The following KCNMA1 variants were observed in gnomAD, a reference collection of about 807,000 sequenced individuals.
KCNMA1 encodes Calcium-activated potassium channel subunit alpha-1.
In KCNMA1, 29 loss-of-function variants were observed where a neutral mutation model predicts 140.0. The ratio of observed to expected loss-of-function variants is 0.21; its 90% CI spans 0.15 to 0.28. KCNMA1 has a LOEUF of 0.28. Ranked by LOEUF, KCNMA1 falls within the 10% of genes least tolerant of loss-of-function variation. The probability of loss-of-function intolerance (pLI) is 1.00; values close to 1 mark genes in which losing one functional copy is unlikely to be tolerated. For missense variants in KCNMA1, 880 were observed against 1,602.2 expected (o/e 0.55, Z 7.70); for synonymous variants, 612 against 611.9 (o/e 1.00, Z 0.00).
intron 23 of KCNMA1, among the ~76,000 whole-genome samples, chr10:76,926,998 C>T (rs775657247): frequency 6.6e-5 from 10 of 152,096 alleles, no homozygotes; most frequent in Non-Finnish European, 1.5e-4. Context: ...TGCTGCTATG[C>T]GATCACAGTC....
chr10:77,093,647 C>G (rs2096865146), intron 9 of KCNMA1, among the ~76,000 whole-genome samples: 1 of 152,138 alleles, frequency 6.6e-6, no homozygotes, highest in Non-Finnish European at 1.5e-5. Flanking sequence ...ATTTTCAAGA[C>G]TTTTGAAGAT....
At chr10:77,189,273 C>T (rs1435689007) in intron 3 of KCNMA1, among the ~76,000 whole-genome samples, 1 of 152,120 alleles carries the variant, frequency 6.6e-6, no homozygotes, top group African/African-American at 2.4e-5. Flanking sequence ...CCATTCAGAC[C>T]TGAACAGAGA....
chr10:77,288,387 C>T (rs2071810260), intron 2 of KCNMA1, among the ~76,000 whole-genome samples: 1 of 152,314 alleles, frequency 6.6e-6, no homozygotes, highest in South Asian at 2.1e-4. Context: ...GCTTTATTCC[C>T]TGTGAGACTT....
intron 2 of KCNMA1, among the ~76,000 whole-genome samples, chr10:77,393,616 C>A (rs1469598423): frequency 6.6e-6 from 1 of 152,214 alleles, no homozygotes; most frequent in Non-Finnish European, 1.5e-5. Context: ...GGGCTTCCAA[C>A]TGCCCAGCCG....
At chr10:76,872,107 T>C (rs748187820) in exon 28 of KCNMA1, 1 of 152,212 alleles carries the variant, frequency 6.6e-6, no homozygotes, top group Non-Finnish European at 1.5e-5. Context: ...CTGCCTCATG[T>C]TCTTATTATA....
intron 3 of KCNMA1, among the ~76,000 whole-genome samples, chr10:77,233,131 A>C (rs887898023): frequency 6.6e-6 from 1 of 152,210 alleles, no homozygotes; most frequent in Non-Finnish European, 1.5e-5. Context: ...TGGAAAAACT[A>C]TTCTTTCCTC....
chr10:77,333,843 C>T (rs1013911022), intron 2 of KCNMA1, among the ~76,000 whole-genome samples: 5 of 152,178 alleles, frequency 3.3e-5, no homozygotes, highest in Admixed American at 2.0e-4. Context: ...GTAATTGGCA[C>T]GTTTTCCTGC....
chr10:77,029,990 T>C (rs2093799246), intron 15 of KCNMA1, among the ~76,000 whole-genome samples: 1 of 152,204 alleles, frequency 6.6e-6, no homozygotes, highest in South Asian at 2.1e-4. Flanking sequence ...AGTGACATAA[T>C]CAGATGTGCT....
At chr10:77,574,879 A>T (rs2073437129) in intron 1 of KCNMA1, among the ~76,000 whole-genome samples, 1 of 152,360 alleles carries the variant, frequency 6.6e-6, no homozygotes, top group African/African-American at 2.4e-5. Context: ...TTTTGAATCC[A>T]GTATTCATTT....
intron 3 of KCNMA1, among the ~76,000 whole-genome samples, chr10:77,228,558 TTTTCTTCCTCCTCCGC>T (rs1257357426): frequency 1.3e-5 from 2 of 152,116 alleles, no homozygotes; most frequent in African/African-American, 4.8e-5. Flanking sequence ...TCTACAACAG[TTTTCTTCCTCCTCCGC>T]TTCCCCAACA....
chr10:77,082,286 C>T (rs1230252711), intron 12 of KCNMA1, among the ~76,000 whole-genome samples: 1 of 152,022 alleles, frequency 6.6e-6, no homozygotes, highest in African/African-American at 2.4e-5. Context: ...CTTGGCCTCC[C>T]AAAGTTCTGG....
chr10:77,362,114 G>A (rs912877526), intron 2 of KCNMA1, among the ~76,000 whole-genome samples: 4 of 152,134 alleles, frequency 2.6e-5, no homozygotes, highest in African/African-American at 7.2e-5. Flanking sequence ...CTTCCAGATC[G>A]GTTGTCTCAC....
At chr10:77,019,371 A>G in intron 16 of KCNMA1, 1 of 453,546 alleles carries the variant, frequency 2.2e-6, no homozygotes, top group South Asian at 2.4e-5. Context: ...GGTTTATATA[A>G]TGGAGCAGTC....
chr10:76,889,705 G>A (rs558710842), intron 26 of KCNMA1, 136 bp from the exon 27 acceptor site: 32 of 759,450 alleles, frequency 4.2e-5, no homozygotes, highest in Middle Eastern at 4.5e-4. Flanking sequence ...GCCAAGGGAC[G>A]GCAGTGGAAG....
chr10:77,628,182 T>C (rs962648830), intron 1 of KCNMA1, among the ~76,000 whole-genome samples: 4 of 152,164 alleles, frequency 2.6e-5, no homozygotes, highest in Admixed American at 6.5e-5. Flanking sequence ...TGTAGATAAT[T>C]TGGTTTACAA....
intron 3 of KCNMA1, among the ~76,000 whole-genome samples, chr10:77,243,328 T>C (rs761848420): frequency 6.6e-5 from 10 of 152,214 alleles, no homozygotes; most frequent in Non-Finnish European, 1.2e-4. Context: ...AGTCTCTGAA[T>C]GCATGTCAGC....
At chr10:76,985,102 T>G (rs565572283) in intron 19 of KCNMA1, among the ~76,000 whole-genome samples, 1 of 152,240 alleles carries the variant, frequency 6.6e-6, no homozygotes, top group Admixed American at 6.5e-5. Flanking sequence ...GCTGCTGTTA[T>G]ACGTAAGAAT....
intron 2 of KCNMA1, among the ~76,000 whole-genome samples, chr10:77,269,365 AG>A (rs1229098762): frequency 8.5e-5 from 13 of 152,306 alleles, no homozygotes; most frequent in Admixed American, 2.6e-4. Context: ...CTGATTCCAA[AG>A]GTCTGATGAA....
chr10:77,350,724 A>C (rs1000664818), intron 2 of KCNMA1: 1 of 152,178 alleles, frequency 6.6e-6, no homozygotes, highest in Non-Finnish European at 1.5e-5. Flanking sequence ...CCATCCTCAT[A>C]TGGGGGTGGG....
Sources: allele counts gnomAD v4.1 joint callset (sites outside exome capture counted in the v4.1 genomes callset), GRCh38; gene constraint gnomAD v4.1.1; transcripts MANE v1.5; gene names NCBI Gene and HGNC (gene_info 2026-07-23, HGNC 2026-07-21).